Variants in DOP1A observed in about 807,000 individuals in gnomAD.
DOP1A encodes DOP1 leucine zipper like protein A.
DOP1A carries 90 observed loss-of-function variants against 267.6 expected under a neutral mutation model. The ratio of observed to expected loss-of-function variants is 0.34; its 90% CI spans 0.28 to 0.40. The LOEUF (loss-of-function observed/expected upper bound fraction) is 0.40. Among genes scored for constraint, DOP1A ranks in the 10% least tolerant of loss-of-function variants. DOP1A has a pLI of 1.00. For synonymous variants in DOP1A, 932 were observed against 999.1 expected, an observed-to-expected ratio of 0.93 and a Z score of 1.27; for missense variants, 2,437 against 2,900.4, an observed-to-expected ratio of 0.84 and a Z score of 3.67.
At chr6:83,148,363 G>A (rs79082126) in intron 26 of DOP1A, among the ~76,000 whole-genome samples, 3,305 of 152,050 alleles carry the variant, frequency 0.022, 41 homozygotes, top group African/African-American at 0.036. Context: ...GCGGTGAGCC[G>A]AGATCGCGCT....
chr6:83,161,570 G>A (rs1026716505), intron 37 of DOP1A, among the ~76,000 whole-genome samples: 9 of 152,156 alleles, frequency 5.9e-5, no homozygotes, highest in African/African-American at 2.2e-4. Flanking sequence ...CAATGAGCAA[G>A]ACAGTTAATA....
chr6:83,122,801 T>C, intron 11 of DOP1A, 62 bp from the exon 12 acceptor site: 1 of 1,291,082 alleles, frequency 7.7e-7, no homozygotes, highest in South Asian at 1.8e-5. Flanking sequence ...GCACTCAAAT[T>C]TAAATTTGAA....
At chr6:83,086,276 TAATGA>T (rs1286465871) in intron 1 of DOP1A, among the ~76,000 whole-genome samples, 5 of 152,208 alleles carry the variant, frequency 3.3e-5, no homozygotes, top group Admixed American at 6.5e-5. Context: ...TGTATTCTTA[TAATGA>T]AATAAGCTAG....
chr6:83,103,087 G>T (rs1772889151), intron 4 of DOP1A, among the ~76,000 whole-genome samples: 1 of 151,926 alleles, frequency 6.6e-6, no homozygotes, highest in Non-Finnish European at 1.5e-5. Context: ...GTGTTTTTAG[G>T]TAGGTTTTTA....
chr6:83,081,549 T>G (rs1013906038), intron 1 of DOP1A, among the ~76,000 whole-genome samples: 2 of 152,100 alleles, frequency 1.3e-5, no homozygotes, highest in African/African-American at 4.8e-5. Context: ...AAAAATCATC[T>G]TGGGTTATAA....
At chr6:83,157,753 A>C (rs1331849334) in intron 35 of DOP1A, among the ~76,000 whole-genome samples, 1 of 152,028 alleles carries the variant, frequency 6.6e-6, no homozygotes, top group African/African-American at 2.4e-5. Context: ...ACCCCATTTA[A>C]ACTTGCTTCA....
intron 3 of DOP1A, among the ~76,000 whole-genome samples, chr6:83,098,294 A>T (rs1025427342): frequency 2.0e-5 from 3 of 152,216 alleles, no homozygotes; most frequent in Non-Finnish European, 4.4e-5. Flanking sequence ...TCACCACGAC[A>T]ATCAATGCAG....
At chr6:83,140,776 A>G (rs2128279120) in intron 23 of DOP1A, among the ~76,000 whole-genome samples, 1 of 152,346 alleles carries the variant, frequency 6.6e-6, no homozygotes, top group Middle Eastern at 3.4e-3. Context: ...AAGTTCATAT[A>G]AATGGAATGA....
In DOP1A at chr6:83,122,617, T is replaced by C. The variant is rs189571078; in HGVS notation, c.1221-246T>C. Among the ~76,000 whole-genome samples, 82 of 152,092 alleles carry C rather than the reference T, an allele frequency of 5.4e-4. No homozygotes were observed. In the East Asian group the frequency reaches 6.2e-3, roughly 11 times the overall value. On this transcript the variant is annotated intron_variant, in intron 11 of 38. Coordinates refer to ENST00000349129, the MANE Select transcript of DOP1A (RefSeq NM_015018.4). The stretch of plus-strand genomic sequence containing the variant: ...AATTCTTGTTCTTTTGTCTTTTTTA[T>C]TATGCAGAAACTGTGCAAGTCTCAT...
At chr6:83,146,282 T>G (rs1250583226) in intron 25 of DOP1A, among the ~76,000 whole-genome samples, 3 of 152,198 alleles carry the variant, frequency 2.0e-5, no homozygotes, top group Admixed American at 2.0e-4. Context: ...CAGAAAGTAT[T>G]TACCAACTAC....
rs529615976 is a variant in DOP1A, at chr6:83,113,144, G to A, written c.682-179G>A. Among the ~76,000 whole-genome samples the A allele has an allele frequency of 6.6e-4, 100 of 152,048 alleles. No homozygotes were observed. In the South Asian group the frequency reaches 0.013, roughly 20 times the overall value. ...TGGAAGTTTTGCTGTATAGTCTTAC[G>A]TACTTCTTAATTTTTAAACCATCAT... is the stretch of plus-strand genomic sequence containing the variant. On this transcript the variant is annotated intron_variant, in intron 6 of 38. Coordinates refer to ENST00000349129, the MANE Select transcript of DOP1A (RefSeq NM_015018.4).
chr6:83,154,502 C>A (rs1782340632), intron 33 of DOP1A, among the ~76,000 whole-genome samples: 1 of 152,114 alleles, frequency 6.6e-6, no homozygotes, highest in Non-Finnish European at 1.5e-5. Flanking sequence ...AGGGAAGGGT[C>A]CATGTCTAAT....
intron 38 of DOP1A, chr6:83,164,832 C>A: frequency 1.2e-6 from 1 of 813,528 alleles, no homozygotes; most frequent in Non-Finnish European, 1.9e-6. Context: ...GGAAGGAAGT[C>A]TTTTTTCAAG....
intron 30 of DOP1A, 72 bp from the exon 31 acceptor site, chr6:83,153,439 C>T: frequency 1.1e-6 from 1 of 936,382 alleles, no homozygotes. Flanking sequence ...TTCTAACAAA[C>T]TGAAAATCAG....
Position 83,134,101 on chromosome 6 carries a change from A to G in DOP1A, c.2770-86A>G, listed in dbSNP as rs981519968. 4 of 1,039,186 alleles carry G rather than the reference A, an allele frequency of 3.8e-6. No homozygotes were observed. The African/African-American group carries it at 6.5e-5, about 17-fold the overall frequency. The allele number at this position is 1,039,186 out of a possible 1,614,324, so 64.4% of individuals were successfully genotyped here. On this transcript the variant is annotated intron_variant, in intron 18 of 38. Coordinates refer to ENST00000349129, the MANE Select transcript of DOP1A (RefSeq NM_015018.4). ...TTGTGGACGTTGAACGTAATACAGT[A>G]CTCCTAAATAGTACTCTGATTTTAC...
At chr6:83,169,868 G>A (rs1003234116), downstream of DOP1A, 6 of 438,146 alleles carry the variant, frequency 1.4e-5, no homozygotes, top group South Asian at 4.9e-5. Context: ...CACAGAGTAA[G>A]GCTGTCATTT....
intron 1 of DOP1A, among the ~76,000 whole-genome samples, chr6:83,080,154 C>T (rs558087686): frequency 1.3e-5 from 2 of 152,186 alleles, no homozygotes; most frequent in Admixed American, 6.5e-5. Flanking sequence ...TTTCCCCCTA[C>T]CCAATCAATG....
At chr6:83,146,751 A>G (rs1359834071) in intron 25 of DOP1A, among the ~76,000 whole-genome samples, 2 of 152,184 alleles carry the variant, frequency 1.3e-5, no homozygotes, top group Non-Finnish European at 2.9e-5. Context: ...TTTTTATTAT[A>G]TATTACACTC....
At chr6:83,105,556 G>A (rs1053776491) in intron 4 of DOP1A, among the ~76,000 whole-genome samples, 9 of 151,620 alleles carry the variant, frequency 5.9e-5, no homozygotes, top group African/African-American at 2.2e-4. Flanking sequence ...GTAGAGACAG[G>A]GTTTCACTAT....
Sources: gnomAD v4.1 joint callset for allele counts (sites outside exome capture counted in the v4.1 genomes callset) on GRCh38, gnomAD v4.1.1 for gene constraint, MANE v1.5 for transcripts, NCBI Gene and HGNC (gene_info 2026-07-23, HGNC 2026-07-21) for gene names.